The following OLFM1 variants were observed in gnomAD, a reference collection of about 807,000 sequenced individuals.
The protein encoded by OLFM1 is noelin.
Under a neutral mutation model 49.7 loss-of-function variants are expected in OLFM1, and 9 were observed. The observed-to-expected ratio is 0.18, with a 90% CI of 0.11 to 0.32. The LOEUF is 0.32. Ranked by LOEUF, OLFM1 falls within the 10% of genes least tolerant of loss-of-function variation. OLFM1 has a pLI of 1.00. For missense variants in OLFM1, 369 were observed against 661.8 expected (o/e 0.56, Z 4.85); for synonymous variants, 240 against 271.8 (o/e 0.88, Z 1.15).
rs979851801 is a variant in OLFM1 at position 135,088,826 on chromosome 9, C to T, written c.150+687C>T. Among the ~76,000 whole-genome samples the T allele has an allele frequency of 6.6e-6, 1 of 152,214 alleles. No individual in the cohort carries two copies. The highest frequency in any genetic ancestry group is 2.4e-5 in the African/African-American group (1 of 41,468). On this transcript the variant is annotated intron_variant, in intron 1 of 5. Transcript: ENST00000371793. The surrounding 1 kb of genome is among the most constrained non-coding windows in gnomAD (Gnocchi z 4.8). ...CCCTCGCCTTTGCCTTCGTCTTCTG[C>T]GCGCACCCCTCCCTCCTGGCCTCTG...
At position 135,088,049 on chromosome 9, in the gene OLFM1, C is replaced by A; in HGVS notation, c.60C>A (p.Asn20Lys). 6.9e-7 allele frequency: 1 copy of A among 1,450,836 alleles called. No homozygotes were observed. Among genetic ancestry groups the A allele is most frequent in the Admixed American group, 2.3e-5 (1 of 43,456 alleles). 89.9% of individuals were successfully genotyped at this position (1,450,836 alleles called of 1,614,324 possible). The change falls in exon 1 of 6, where the codon AAC becomes AAA. Residue 20 changes from asparagine to lysine, a missense_variant. Coordinates refer to ENST00000371793, the MANE Select transcript of OLFM1 (RefSeq NM_001282611.2). The surrounding 1 kb of genome is among the most constrained non-coding windows in gnomAD (Gnocchi z 4.8). ...TGAGCACCATGGCCATGATCACTAA[C>A]TGGATGTCCCAGACGCTGCCCTCGC... is the stretch of plus-strand genomic sequence containing the variant. ...VVLSTMAMITNWMSQTLPSLV... is the reference protein window; with the variant it reads ...VVLSTMAMITKWMSQTLPSLV...
Position 135,098,975 on chromosome 9 carries a change from G to A in OLFM1, c.676+470G>A, listed in dbSNP as rs113881812. Among the ~76,000 whole-genome samples, 3 of 152,208 alleles carry A rather than the reference G, an allele frequency of 2.0e-5. No individual in the cohort carries two copies. Among genetic ancestry groups the A allele is most frequent in the Admixed American group, 6.5e-5 (1 of 15,278 alleles). ...TCAGTAGAGCTGCCATTCACAGCAC[G>A]GGAGGGAGCCCCTGCTCACAGCCTG... is the stretch of plus-strand genomic sequence containing the variant. On this transcript the variant is annotated intron_variant, in intron 4 of 5. Transcript: ENST00000371793. The surrounding 1 kb of genome is among the most constrained non-coding windows in gnomAD (Gnocchi z 5.6).
At chr9:135,077,200 A>G in intron 1 of OLFM1, 2 of 1,531,294 alleles carry the variant, frequency 1.3e-6, no homozygotes, top group Non-Finnish European at 1.8e-6. Context: ...ACCTGCAGAG[A>G]AGAGCCAACC....
In OLFM1 at chr9:135,075,569, C is replaced by T. The variant is rs1264530575; in HGVS notation, c.-138C>T. On this transcript the variant is annotated 5_prime_UTR_variant, in exon 1 of 6. Transcript: ENST00000252854. ...GAGGCTTCGCGCAGCAGAGCCCGCG[C>T]GCCGCCCGCTCCGGGTGCTGAATCC... 3 of 493,302 alleles carry T rather than the reference C, an allele frequency of 6.1e-6. 1 individual carries two copies. Among genetic ancestry groups the T allele is most frequent in the South Asian group, 7.7e-5 (2 of 25,908 alleles). 30.6% of individuals were successfully genotyped at this position (493,302 alleles called of 1,614,324 possible).
At chr9:135,097,735 G>A in intron 3 of OLFM1, 1 of 1,481,390 alleles carries the variant, frequency 6.8e-7, no homozygotes, top group Non-Finnish European at 9.4e-7. Flanking sequence ...TTTCAGGCAG[G>A]CTAGTGAGCT....
At chr9:135,110,952 G>T (rs1472733532) in intron 5 of OLFM1, among the ~76,000 whole-genome samples, 4 of 152,210 alleles carry the variant, frequency 2.6e-5, no homozygotes, top group Non-Finnish European at 5.9e-5. Context: ...ACTTCCCGGG[G>T]GCTGCATCAG....
At chr9:135,110,020 A>G (rs1831000473) in intron 5 of OLFM1, among the ~76,000 whole-genome samples, 1 of 152,170 alleles carries the variant, frequency 6.6e-6, no homozygotes, top group Non-Finnish European at 1.5e-5. Context: ...GAGCACTGAG[A>G]GCCCCCAAGT....
intron 2 of OLFM1, among the ~76,000 whole-genome samples, chr9:135,091,753 ACACACACT>A (rs1489086925): frequency 3.3e-5 from 5 of 150,344 alleles, no homozygotes; most frequent in Admixed American, 1.3e-4. Flanking sequence ...ACACATAGTC[ACACACACT>A]CACACAGTCA....
chr9:135,086,742 C>T (rs1388022713), upstream of OLFM1: 14 of 455,222 alleles, frequency 3.1e-5, no homozygotes, highest in African/African-American at 6.0e-5. Flanking sequence ...GCTGCGGTCG[C>T]CGCAGAGGGC....
intron 1 of OLFM1, chr9:135,077,109 G>A: frequency 2.6e-6 from 4 of 1,550,578 alleles, no homozygotes; most frequent in Non-Finnish European, 3.5e-6. Flanking sequence ...GTGGAGGGTG[G>A]TGGTTGTGCA....
At position 135,088,064 on chromosome 9, in the gene OLFM1, G is replaced by A; in HGVS notation, c.75G>A (p.Thr25=). Residue 25 remains threonine (T), a synonymous_variant, in exon 1 of 6, where the codon ACG becomes ACA. Coordinates refer to ENST00000371793, the MANE Select transcript of OLFM1 (RefSeq NM_001282611.2). The surrounding 1 kb of genome is among the most constrained non-coding windows in gnomAD (Gnocchi z 4.8). The part of the protein sequence containing the change: ...MAMITNWMSQ[T]LPSLVGLNTT... ...TGATCACTAACTGGATGTCCCAGAC[G>A]CTGCCCTCGCTGGTGGGCCTCAACA... 6.9e-7 allele frequency: 1 copy of A among 1,448,724 alleles called. No homozygotes were observed. Among genetic ancestry groups the A allele is most frequent in the Non-Finnish European group, 9.2e-7 (1 of 1,088,532 alleles). The allele number at this position is 1,448,724 out of a possible 1,614,324, so 89.7% of individuals were successfully genotyped here. A position where few individuals can be genotyped will look rare whatever the true frequency, so the allele number is the denominator to read the frequency against.
At chr9:135,095,515 CAA>C (rs145823718) in intron 2 of OLFM1, among the ~76,000 whole-genome samples, 6 of 119,286 alleles carry the variant, frequency 5.0e-5, no homozygotes, top group Admixed American at 1.7e-4. Context: ...CCACCACTAC[CAA>C]AAAAAAAAAA....
rs1042304783 is a variant in OLFM1 at position 135,117,484 on chromosome 9, T to C, written c.784-2020T>C. ...TTGAGCGTGGTGTCTTGTTGGGATA[T>C]GGGAGCTGGCCCGCCCCGGTGACTT... On this transcript the variant is annotated intron_variant, in intron 5 of 5. Transcript: ENST00000371793. The surrounding 1 kb of genome is among the most constrained non-coding windows in gnomAD (Gnocchi z 5.5). Among the ~76,000 whole-genome samples the C allele has an allele frequency of 1.3e-5, 2 of 152,234 alleles. No individual in the cohort carries two copies. The highest frequency in any genetic ancestry group is 2.4e-5 in the African/African-American group (1 of 41,458).
In OLFM1 at chr9:135,120,269, A is replaced by C; in HGVS notation, c.*91A>C. The C allele has an allele frequency of 3.7e-6, 4 of 1,070,694 alleles. No individual in the cohort carries two copies. Among genetic ancestry groups the C allele is most frequent in the Non-Finnish European group, 5.4e-6 (4 of 741,724 alleles). The allele number at this position is 1,070,694 out of a possible 1,614,324, so 66.3% of individuals were successfully genotyped here. A position where few individuals can be genotyped will look rare whatever the true frequency, so the allele number is the denominator to read the frequency against. On this transcript the variant is annotated 3_prime_UTR_variant, in exon 6 of 6. Transcript: ENST00000371793. ...CAAAAAGATACCAATAACACTAACA[A>C]TACCGATCTTGAAAAATCATCAGCA...
chr9:135,113,736 C>G lies in OLFM1; in HGVS notation c.784-5768C>G, dbSNP rs1472281692. Reference sequence around the variant, plus strand: ...CTGGGTCACAGTGAGGCGGCAAGGCCTCCCCTCCGGGCTCACGGTCAGGTG... The same window carrying G: ...CTGGGTCACAGTGAGGCGGCAAGGCGTCCCCTCCGGGCTCACGGTCAGGTG... On this transcript the variant is annotated intron_variant, in intron 5 of 5. Transcript: ENST00000371793. The surrounding 1 kb of genome is among the most constrained non-coding windows in gnomAD (Gnocchi z 4.0). Among the ~76,000 whole-genome samples the G allele has an allele frequency of 6.6e-6, 1 of 152,222 alleles. No homozygotes were observed. The highest frequency in any genetic ancestry group is 1.9e-4 in the East Asian group (1 of 5,184).
At chr9:135,096,917 A>G (rs1199159565) in intron 3 of OLFM1, among the ~76,000 whole-genome samples, 1 of 151,832 alleles carries the variant, frequency 6.6e-6, no homozygotes, top group Non-Finnish European at 1.5e-5. Context: ...ACCTAAAATC[A>G]TAGATACAGA....
At chr9:135,091,560 GTCAC>G (rs1830690236) in intron 2 of OLFM1, among the ~76,000 whole-genome samples, 1 of 104,928 alleles carries the variant, frequency 9.5e-6, no homozygotes, top group Admixed American at 8.9e-5. Context: ...CACACTCATA[GTCAC>G]ACACACACAC....
chr9:135,092,306 C>T (rs758116132), intron 2 of OLFM1, among the ~76,000 whole-genome samples: 7 of 152,156 alleles, frequency 4.6e-5, no homozygotes, highest in Admixed American at 3.3e-4. Context: ...TTCTGTGTCC[C>T]AGTCCCTGTC....
upstream of OLFM1, among the ~76,000 whole-genome samples, chr9:135,085,017 T>C (rs1259380510): frequency 1.3e-5 from 2 of 152,216 alleles, no homozygotes; most frequent in African/African-American, 4.8e-5. Context: ...CCTCTCACAC[T>C]TGCGTCTTCT....
Sources: allele counts gnomAD v4.1 joint callset (sites outside exome capture counted in the v4.1 genomes callset), GRCh38; gene constraint gnomAD v4.1.1; non-coding constraint Gnocchi (gnomAD v3.1); transcripts MANE v1.5; gene names NCBI Gene and HGNC (gene_info 2026-07-23, HGNC 2026-07-21).